ECE1: variants seen among roughly 807,000 people sequenced by gnomAD.
ECE1 encodes endothelin converting enzyme 1.
Under a neutral mutation model 98.6 loss-of-function variants are expected in ECE1, and 35 were observed. The observed-to-expected ratio is 0.35, with a 90% CI of 0.27 to 0.47. The LOEUF is 0.47. ECE1 is among the 20% of genes least tolerant of loss of function. The probability of loss-of-function intolerance (pLI) is 1.00; values close to 1 mark genes in which losing one functional copy is unlikely to be tolerated. For missense variants in ECE1, 814 were observed against 1,025.3 expected, an observed-to-expected ratio of 0.79 and a Z score of 2.81; for synonymous variants, 394 against 407.1, an observed-to-expected ratio of 0.97 and a Z score of 0.39.
At chr1:21,282,679 G>A (rs2098256198) in intron 2 of ECE1, among the ~76,000 whole-genome samples, 1 of 151,950 alleles carries the variant, frequency 6.6e-6, no homozygotes, top group Non-Finnish European at 1.5e-5. Context: ...CAGCCACTAG[G>A]CTTGGGATGC....
At chr1:21,246,116 A>G (rs146818579) in intron 9 of ECE1, among the ~76,000 whole-genome samples, 7 of 151,798 alleles carry the variant, frequency 4.6e-5, no homozygotes, top group African/African-American at 1.7e-4. Context: ...AAATTTTAAC[A>G]AGTAAGTTTG....
intron 1 of ECE1, among the ~76,000 whole-genome samples, chr1:21,309,452 G>T (rs998810071): frequency 1.3e-5 from 2 of 152,270 alleles, no homozygotes; most frequent in Non-Finnish European, 2.9e-5. Flanking sequence ...GTTTGGAGTA[G>T]TGCCTGGTAT....
chr1:21,306,316 A>G (rs1325732816), intron 1 of ECE1, among the ~76,000 whole-genome samples: 1 of 150,748 alleles, frequency 6.6e-6, no homozygotes, highest in African/African-American at 2.5e-5. Flanking sequence ...CACATACTAT[A>G]TGTTAAGTGT....
intron 1 of ECE1, among the ~76,000 whole-genome samples, chr1:21,328,935 T>C (rs1013147855): frequency 1.3e-5 from 2 of 152,030 alleles, no homozygotes; most frequent in Non-Finnish European, 2.9e-5. Context: ...AGTTTCCTTA[T>C]CCAATTGATC....
chr1:21,231,888 A>T (rs1367606220), intron 14 of ECE1, among the ~76,000 whole-genome samples: 3 of 152,264 alleles, frequency 2.0e-5, no homozygotes, highest in Non-Finnish European at 2.9e-5. Flanking sequence ...CGTTCGAATT[A>T]CAGGCGTGGG....
At chr1:21,335,259 G>A (rs1158541130) in intron 1 of ECE1, among the ~76,000 whole-genome samples, 1 of 151,376 alleles carries the variant, frequency 6.6e-6, no homozygotes, top group East Asian at 1.9e-4. Flanking sequence ...CCTCTAGAGC[G>A]GCCCCCTCCC....
chr1:21,283,011 G>A lies in ECE1; in HGVS notation c.139-3679C>T, dbSNP rs555066121. On this transcript the variant is annotated intron_variant, in intron 2 of 18. Transcript: ENST00000374893. ...GGCTGGAGTGCAGTGCCGCCATCTC[G>A]GCTCATTGCAACCTTGGCCTCCCGG... is the stretch of plus-strand genomic sequence containing the variant. Among the ~76,000 whole-genome samples the A allele has an allele frequency of 1.9e-4, 27 of 138,540 alleles. No individual in the cohort carries two copies. The South Asian group carries it at 5.3e-3, about 27-fold the overall frequency. The allele number at this position is 138,540 out of a possible 152,430, so 90.9% of individuals were successfully genotyped here. A position where few individuals can be genotyped will look rare whatever the true frequency, so the allele number is the denominator to read the frequency against.
intron 1 of ECE1, among the ~76,000 whole-genome samples, chr1:21,303,553 T>G (rs1638531293): frequency 1.3e-5 from 2 of 152,234 alleles, no homozygotes. Context: ...CAGCTGTGAT[T>G]ATTACTAACA....
At chr1:21,291,613 G>A (rs925995027), upstream of ECE1, among the ~76,000 whole-genome samples, 7 of 152,248 alleles carry the variant, frequency 4.6e-5, no homozygotes, top group Admixed American at 2.6e-4. Flanking sequence ...ATCACTTGAG[G>A]TCAGGAGTTC....
At chr1:21,338,912 C>T (rs61781600) in intron 1 of ECE1, among the ~76,000 whole-genome samples, 9,045 of 144,718 alleles carry the variant, frequency 0.063, 379 homozygotes, top group Middle Eastern at 0.14. Flanking sequence ...CAGGCCCACC[C>T]TCCTGCCTTC....
chr1:21,247,481 G>A, intron 8 of ECE1, 118 bp from the exon 9 acceptor site: 1 of 1,460,140 alleles, frequency 6.8e-7, no homozygotes, highest in Non-Finnish European at 9.5e-7. Flanking sequence ...CCATCTGACA[G>A]CGCACCGGGC....
At chr1:21,222,972 C>CGTTTTT (rs1413314759) in intron 17 of ECE1, among the ~76,000 whole-genome samples, 1 of 150,882 alleles carries the variant, frequency 6.6e-6, no homozygotes, top group Non-Finnish European at 1.5e-5. Context: ...TGTGCTGACT[C>CGTTTTT]GTTTTTGTTT....
At chr1:21,282,092 G>C (rs1259164992) in intron 2 of ECE1, among the ~76,000 whole-genome samples, 1 of 151,888 alleles carries the variant, frequency 6.6e-6, no homozygotes, top group Non-Finnish European at 1.5e-5. Context: ...TTCAAGACCA[G>C]CCTGGGCAAC....
chr1:21,271,774 CAG>C (rs1390737983), intron 4 of ECE1, among the ~76,000 whole-genome samples: 1 of 152,062 alleles, frequency 6.6e-6, no homozygotes, highest in Non-Finnish European at 1.5e-5. Context: ...ACCATCAACA[CAG>C]GGGTGAACTA....
intron 2 of ECE1, among the ~76,000 whole-genome samples, chr1:21,286,963 G>T (rs2098261251): frequency 6.6e-6 from 1 of 151,754 alleles, no homozygotes. Context: ...TTCAGGTGAG[G>T]TACAGGTAGA....
intron 2 of ECE1, among the ~76,000 whole-genome samples, chr1:21,286,080 CCTTT>C (rs1164687141): frequency 6.6e-6 from 1 of 151,820 alleles, no homozygotes; most frequent in Non-Finnish European, 1.5e-5. Flanking sequence ...TAATATCTCA[CCTTT>C]CTTTTTTTCT....
intron 8 of ECE1, among the ~76,000 whole-genome samples, chr1:21,254,046 G>C (rs2103278424): frequency 7.0e-6 from 1 of 143,258 alleles, no homozygotes; most frequent in Non-Finnish European, 1.5e-5. Context: ...TCCATCCTGG[G>C]CGACAGAGCA....
chr1:21,236,788 C>T lies in ECE1; in HGVS notation c.1446G>A (p.Leu482=). 1 of 1,614,066 alleles carries T rather than the reference C, an allele frequency of 6.2e-7. No homozygotes were observed. Among genetic ancestry groups the T allele is most frequent in the Non-Finnish European group, 8.5e-7 (1 of 1,180,022 alleles). ...TTCGGGTTTCCTCATCCATCCACTTCAGGGTGCTCAGGCTTTCCTCAAATG... is the reference window on the plus strand; with the variant it reads ...TTCGGGTTTCCTCATCCATCCACTTTAGGGTGCTCAGGCTTTCCTCAAATG... ...KKAFEESLST[L]KWMDEETRKS... is the part of the protein sequence containing the mutation. The change falls in exon 12 of 19, where the codon CTG becomes CTA. Residue 482 remains leucine (L), a synonymous_variant. Transcript: ENST00000374893.
intron 4 of ECE1, among the ~76,000 whole-genome samples, chr1:21,264,130 A>ATGAGGGGCAGGCTT (rs1553361180): frequency 6.6e-6 from 1 of 152,122 alleles, no homozygotes; most frequent in Non-Finnish European, 1.5e-5. Flanking sequence ...CAGCCTGAGG[A>ATGAGGGGCAGGCTT]TGAGGGGCAG....
Sources: gnomAD v4.1 joint callset for allele counts (sites outside exome capture counted in the v4.1 genomes callset) on GRCh38, gnomAD v4.1.1 for gene constraint, MANE v1.5 for transcripts, NCBI Gene and HGNC (gene_info 2026-07-23, HGNC 2026-07-21) for gene names.